The following RGSL1 variants were observed in gnomAD, a reference collection of about 807,000 sequenced individuals.
RGSL1 encodes regulator of G protein signaling like 1, also known as regulator of G protein signaling protein-like.
RGSL1 carries 97 observed loss-of-function variants against 124.7 expected under a neutral mutation model. The observed-to-expected ratio is 0.78, with a 90% CI of 0.66 to 0.92. RGSL1 has a LOEUF of 0.92. Among genes scored for constraint, RGSL1 ranks in the 40% least tolerant of loss-of-function variants. RGSL1 has a pLI of 0.00. For synonymous variants in RGSL1, 424 were observed against 438.1 expected, an observed-to-expected ratio of 0.97 and a Z score of 0.40; for missense variants, 1,233 against 1,288.4, an observed-to-expected ratio of 0.96 and a Z score of 0.66.
intron 4 of RGSL1, among the ~76,000 whole-genome samples, chr1:182,469,997 C>A (rs186990254): frequency 2.0e-5 from 3 of 151,934 alleles, no homozygotes; most frequent in African/African-American, 7.2e-5. Flanking sequence ...TTGTCAGGAG[C>A]TGGGAGGAGG....
rs374807680 is a variant in RGSL1, at chr1:182,548,782, C to T, written c.2891C>T (p.Ala964Val). ...GYLDRSVFHG[A>V]IMSVFPVVMY... Reference sequence around the variant, plus strand: ...CTAGATCGGAGCGTCTTCCATGGGGCTATCATGTCTGTCTTCCCCGTTGTT... The same window carrying T: ...CTAGATCGGAGCGTCTTCCATGGGGTTATCATGTCTGTCTTCCCCGTTGTT... Residue 964 changes from alanine (A) to valine (V), a missense_variant, in exon 17 of 22, where the codon GCT becomes GTT. Transcript: ENST00000294854. The T allele has an allele frequency of 1.3e-6, 2 of 1,551,540 alleles. No individual in the cohort carries two copies. Among genetic ancestry groups the T allele is most frequent in the African/African-American group, 2.7e-5 (2 of 73,028 alleles).
In RGSL1 at chr1:182,454,663, G is replaced by A. The variant is rs1037892180; in HGVS notation, c.96+623G>A. ...ATTATGAGACAGTGAATTTCTGCAG[G>A]ACAAGGACTGAGGATTATTTATTCT... On this transcript the variant is annotated intron_variant, in intron 2 of 21. Coordinates refer to ENST00000294854, the MANE Select transcript of RGSL1 (RefSeq NM_001137669.2). 3.3e-5 allele frequency among the ~76,000 whole-genome samples: 5 copies of A among 151,750 alleles called. No homozygotes were observed. The East Asian group carries it at 7.8e-4, about 24-fold the overall frequency.
intron 9 of RGSL1, among the ~76,000 whole-genome samples, chr1:182,505,327 G>T (rs1239912791): frequency 2.0e-5 from 3 of 152,160 alleles, no homozygotes; most frequent in Non-Finnish European, 1.5e-5. Context: ...CTAGCAACCT[G>T]CATTACAATA....
chr1:182,542,089 C>T (rs1659927688), intron 15 of RGSL1, among the ~76,000 whole-genome samples: 1 of 152,032 alleles, frequency 6.6e-6, no homozygotes, highest in Non-Finnish European at 1.5e-5. Flanking sequence ...TTGATGTGAT[C>T]CATTTGTGTG....
chr1:182,498,610 T>C (rs978421051), intron 9 of RGSL1, among the ~76,000 whole-genome samples: 1 of 152,194 alleles, frequency 6.6e-6, no homozygotes, highest in Non-Finnish European at 1.5e-5. Context: ...GAGCAGATTG[T>C]TTAGTTTCCA....
chr1:182,475,575 G>A (rs923013076), intron 6 of RGSL1, among the ~76,000 whole-genome samples: 1 of 152,180 alleles, frequency 6.6e-6, no homozygotes, highest in Non-Finnish European at 1.5e-5. Context: ...GCTGTATGGA[G>A]TGGGACACTT....
intron 4 of RGSL1, 108 bp downstream of exon 4, chr1:182,460,241 T>C: frequency 7.3e-7 from 1 of 1,371,146 alleles, no homozygotes; most frequent in Non-Finnish European, 9.6e-7. Flanking sequence ...TGTGTGTGTG[T>C]GTGTGTAGAA....
At chr1:182,553,432 T>C in intron 18 of RGSL1, 23 bp from the exon 19 acceptor site, 1 of 1,546,058 alleles carries the variant, frequency 6.5e-7, no homozygotes, top group Non-Finnish European at 8.8e-7. Context: ...GTGTTTTTAA[T>C]GCTTGTTTTT....
intron 4 of RGSL1, among the ~76,000 whole-genome samples, chr1:182,464,407 C>A (rs1253607497): frequency 1.3e-5 from 2 of 152,012 alleles, no homozygotes; most frequent in African/African-American, 4.8e-5. Flanking sequence ...GCAAAATAAA[C>A]CTTTAGTTAA....
intron 9 of RGSL1, among the ~76,000 whole-genome samples, chr1:182,514,266 C>T (rs1413134244): frequency 6.6e-6 from 1 of 152,134 alleles, no homozygotes; most frequent in Non-Finnish European, 1.5e-5. Context: ...GGTCCTCGTC[C>T]TACATAAGCC....
At position 182,473,829 on chromosome 1, in the gene RGSL1, C is replaced by T. The variant is rs1654050970; in HGVS notation, c.718C>T (p.His240Tyr). 1.3e-6 allele frequency: 2 copies of T among 1,551,570 alleles called. No individual in the cohort carries two copies. Among genetic ancestry groups the T allele is most frequent in the Admixed American group, 3.9e-5 (2 of 50,982 alleles). Residue 240 changes from histidine to tyrosine, a missense_variant, in exon 6 of 22, where the codon CAC (histidine) becomes TAC (tyrosine). By Grantham distance (83) the His-to-Tyr change is moderately conservative. Coordinates refer to ENST00000294854, the MANE Select transcript of RGSL1 (RefSeq NM_001137669.2). ...TCTGAACATGAGCATCAAGAAGTGC[C>T]ACCACTTTCAGAAACGGTACTCAAG... is the stretch of plus-strand genomic sequence containing the variant. Reference protein sequence around the residue: ...LPLNMSIKKCHHFQKRYSSRK... With the variant: ...LPLNMSIKKCYHFQKRYSSRK...
At chr1:182,501,258 CTCTT>C (rs1450053383) in intron 9 of RGSL1, among the ~76,000 whole-genome samples, 3 of 38,478 alleles carry the variant, frequency 7.8e-5, no homozygotes, top group Admixed American at 4.4e-4. Context: ...CTTCCTTTCT[CTCTT>C]TCTCTCTTTC....
intron 4 of RGSL1, among the ~76,000 whole-genome samples, chr1:182,461,686 C>A (rs1652850352): frequency 1.3e-5 from 2 of 151,976 alleles, no homozygotes; most frequent in African/African-American, 2.4e-5. Flanking sequence ...AAAAGTAATT[C>A]TGTAGCTGAA....
At chr1:182,518,109 G>A (rs114797910) in intron 9 of RGSL1, among the ~76,000 whole-genome samples, 2,537 of 152,190 alleles carry the variant, frequency 0.017, 71 homozygotes, top group African/African-American at 0.058. Flanking sequence ...GTACAAACAT[G>A]GCTCACTGCA....
chr1:182,489,113 A>G lies in RGSL1; in HGVS notation c.1628A>G (p.Asp543Gly). The G allele has an allele frequency of 6.4e-7, 1 of 1,551,682 alleles. No individual in the cohort carries two copies. The highest frequency in any genetic ancestry group is 8.7e-7 in the Non-Finnish European group (1 of 1,147,000). ...GCTTTGGCTGACATGAAGGAAATGG[A>G]CTATAGGCAGTGGCGAAAGATAGCT... ...SQALADMKEM[D>G]YRQWRKIATE... is the part of the protein sequence containing the mutation. The change falls in exon 8 of 22, where the codon GAC (aspartate) becomes GGC (glycine). Residue 543 changes from aspartate to glycine, a missense_variant. Physicochemically the swap from Asp to Gly is moderately conservative, Grantham distance 94. Coordinates refer to ENST00000294854, the MANE Select transcript of RGSL1 (RefSeq NM_001137669.2).
At chr1:182,475,559 G>A (rs1352977831) in intron 6 of RGSL1, among the ~76,000 whole-genome samples, 2 of 152,148 alleles carry the variant, frequency 1.3e-5, no homozygotes, top group Non-Finnish European at 2.9e-5. Context: ...AACCAGGAGA[G>A]AAAGAGCTGT....
Position 182,489,053 on chromosome 1 carries a change from A to G in RGSL1, c.1568A>G (p.Tyr523Cys). 1 of 1,551,666 alleles carries G rather than the reference A, an allele frequency of 6.4e-7. No individual in the cohort carries two copies. The highest frequency in any genetic ancestry group is 8.7e-7 in the Non-Finnish European group (1 of 1,146,984). Residue 523 changes from tyrosine to cysteine, a missense_variant, in exon 8 of 22, where the codon TAT becomes TGT. Coordinates refer to ENST00000294854, the MANE Select transcript of RGSL1 (RefSeq NM_001137669.2). ...FIGKEENILLYKRIQQSLELS... is the reference protein window; with the variant it reads ...FIGKEENILLCKRIQQSLELS... ...GGCAAAGAAGAGAACATTCTTCTTT[A>G]TAAGAGGATTCAGCAGTCTCTAGAG...
chr1:182,452,543 C>T (rs565190036), intron 1 of RGSL1, among the ~76,000 whole-genome samples: 12 of 152,002 alleles, frequency 7.9e-5, no homozygotes, highest in Non-Finnish European at 1.5e-4. Flanking sequence ...ACCTCCACCT[C>T]CTGGCTTCAA....
At chr1:182,500,588 C>T (rs1656274647) in intron 9 of RGSL1, among the ~76,000 whole-genome samples, 1 of 152,050 alleles carries the variant, frequency 6.6e-6, no homozygotes, top group African/African-American at 2.4e-5. Context: ...ATCTATAGAT[C>T]ATTTTGGGTA....
Sources: gnomAD v4.1 joint callset for allele counts (sites outside exome capture counted in the v4.1 genomes callset) on GRCh38, gnomAD v4.1.1 for gene constraint, MANE v1.5 for transcripts, NCBI Gene and HGNC (gene_info 2026-07-23, HGNC 2026-07-21) for gene names.